PIK3C2G: variants seen among roughly 807,000 people sequenced by gnomAD.
The protein encoded by PIK3C2G is phosphatidylinositol 3-kinase C2 domain-containing subunit gamma.
Under a neutral mutation model 181.1 loss-of-function variants are expected in PIK3C2G, and 168 were observed. The observed-to-expected ratio is 0.93, with a 90% CI of 0.82 to 1.05. The LOEUF is 1.05. Among genes scored for constraint, PIK3C2G ranks in the 50% least tolerant of loss-of-function variants. The pLI, the probability that PIK3C2G is intolerant of heterozygous loss-of-function variation, is 0.00. For missense variants in PIK3C2G, 1,869 were observed against 1,732.8 expected (o/e 1.08, Z -1.40); for synonymous variants, 573 against 592.2 (o/e 0.97, Z 0.47).
chr12:18,673,035 T>C, the PIK3C2G span, among the ~76,000 whole-genome samples: 1 of 152,174 alleles, frequency 6.6e-6, no homozygotes, highest in Non-Finnish European at 1.5e-5. Context: ...TACAGAAGTG[T>C]TTGCCAAAGT....
intron 17 of PIK3C2G, among the ~76,000 whole-genome samples, chr12:18,423,375 TG>T (rs904651779): frequency 5.9e-5 from 9 of 151,966 alleles, no homozygotes; most frequent in African/African-American, 2.2e-4. Flanking sequence ...CTAAGGATAG[TG>T]GGGGCTGCCA....
intron 18 of PIK3C2G, among the ~76,000 whole-genome samples, chr12:18,434,701 A>T (rs1946352284): frequency 6.6e-6 from 1 of 152,200 alleles, no homozygotes; most frequent in African/African-American, 2.4e-5. Flanking sequence ...AACCTGTAGC[A>T]GTTTCTGCCA....
At chr12:18,496,614 C>T (rs1475531772) in intron 21 of PIK3C2G, among the ~76,000 whole-genome samples, 1 of 151,934 alleles carries the variant, frequency 6.6e-6, no homozygotes, top group Non-Finnish European at 1.5e-5. Flanking sequence ...TTTCAGTCTT[C>T]ATCATTAATC....
chr12:18,424,009 A>G lies in PIK3C2G; in HGVS notation c.2474A>G (p.Gln825Arg), dbSNP rs753226323. 11 of 1,611,264 alleles carry G rather than the reference A, an allele frequency of 6.8e-6. No individual in the cohort carries two copies. The highest frequency in any genetic ancestry group is 7.6e-6 in the Non-Finnish European group (9 of 1,178,592). The change falls in exon 18 of 33, where the codon CAG (glutamine) becomes CGG (arginine). Residue 825 changes from glutamine to arginine, a missense_variant. Coordinates refer to ENST00000538779, the MANE Select transcript of PIK3C2G (RefSeq NM_001288772.2). Reference sequence around the variant, plus strand: ...CAACTTCTACTCCACCGCTCCTTGCAGAGCATCCAGGTTGCCCATCGTCTT... The same window carrying G: ...CAACTTCTACTCCACCGCTCCTTGCGGAGCATCCAGGTTGCCCATCGTCTT... ...LVQLLLHRSL[Q>R]SIQVAHRLYW...
At chr12:18,545,057 T>G (rs143173739) in intron 25 of PIK3C2G, among the ~76,000 whole-genome samples, 1 of 151,998 alleles carries the variant, frequency 6.6e-6, no homozygotes, top group East Asian at 1.9e-4. Context: ...GTTAAAACAC[T>G]TAAAGAGCTT....
intron 18 of PIK3C2G, among the ~76,000 whole-genome samples, chr12:18,480,057 C>T (rs1379641786): frequency 1.3e-5 from 2 of 152,084 alleles, no homozygotes; most frequent in Non-Finnish European, 2.9e-5. Flanking sequence ...GAGTTTTTGA[C>T]AAAGGAGAAG....
At chr12:18,399,634 T>TA (rs1565678881) in intron 15 of PIK3C2G, 25 bp from the exon 16 acceptor site, 1 of 1,478,900 alleles carries the variant, frequency 6.8e-7, no homozygotes. Flanking sequence ...TCCAGTAAAT[T>TA]ACAGTTTCCA....
intron 26 of PIK3C2G, among the ~76,000 whole-genome samples, chr12:18,558,799 C>T (rs1945143466): frequency 6.6e-6 from 1 of 152,200 alleles, no homozygotes; most frequent in Non-Finnish European, 1.5e-5. Context: ...TATCTACCCC[C>T]ATACTTCCTC....
downstream of PIK3C2G, among the ~76,000 whole-genome samples, chr12:18,650,775 T>C (rs1378100199): frequency 7.0e-5 from 9 of 129,410 alleles, no homozygotes; most frequent in African/African-American, 2.5e-4. Context: ...TTCCAGTCCA[T>C]CAGGAAGTCC....
In PIK3C2G at chr12:18,611,353, C is replaced by G. The variant is rs1372570538; in HGVS notation, c.4182+1724C>G. Among the ~76,000 whole-genome samples the G allele has an allele frequency of 2.0e-5, 3 of 152,124 alleles. No homozygotes were observed. The East Asian group carries it at 5.8e-4, about 29-fold the overall frequency. ...ATGATGTAGTAATACTTGTTTCAGTCTGCCTTCTCAGTTTACTTGCTAGTT... is the reference window on the plus strand; with the variant it reads ...ATGATGTAGTAATACTTGTTTCAGTGTGCCTTCTCAGTTTACTTGCTAGTT... On this transcript the variant is annotated intron_variant, in intron 31 of 32. Coordinates refer to ENST00000538779, the MANE Select transcript of PIK3C2G (RefSeq NM_001288772.2).
chr12:18,359,607 T>C (rs1941053828), intron 11 of PIK3C2G, among the ~76,000 whole-genome samples: 1 of 152,198 alleles, frequency 6.6e-6, no homozygotes, highest in Non-Finnish European at 1.5e-5. Flanking sequence ...GGTGTTCTGA[T>C]ATTGCTTTAT....
At chr12:18,406,917 T>C (rs55915209) in intron 16 of PIK3C2G, among the ~76,000 whole-genome samples, 16,902 of 152,178 alleles carry the variant, frequency 0.11, 1,289 homozygotes, top group Admixed American at 0.27. Flanking sequence ...TGTCCTTGTA[T>C]GCTTTTGGAG....
upstream of PIK3C2G, among the ~76,000 whole-genome samples, chr12:18,256,965 T>C (rs1017002800): frequency 2.0e-5 from 3 of 152,070 alleles, no homozygotes; most frequent in East Asian, 1.9e-4. Flanking sequence ...AGGTTACTTG[T>C]TGTTGGCAGG....
In PIK3C2G at chr12:18,496,156, T is replaced by C; in HGVS notation, c.2886+2T>C. 2 of 1,487,800 alleles carry C rather than the reference T, an allele frequency of 1.3e-6. No individual in the cohort carries two copies. Among genetic ancestry groups the C allele is most frequent in the Non-Finnish European group, 9.1e-7 (1 of 1,097,526 alleles). The allele number at this position is 1,487,800 out of a possible 1,614,324, so 92.2% of individuals were successfully genotyped here. A position where few individuals can be genotyped will look rare whatever the true frequency, so the allele number is the denominator to read the frequency against. ...AAAAACATCAGCATTATTTTTAAGG[T>C]ATGGTAGCGCTCTTAAAACATGAAT... On this transcript the variant is annotated splice_donor_variant, in intron 21 of 32. Transcript: ENST00000538779. LOFTEE classifies it high-confidence loss of function.
chr12:18,340,632 T>C (rs574650156), intron 9 of PIK3C2G, among the ~76,000 whole-genome samples: 47 of 152,244 alleles, frequency 3.1e-4, no homozygotes, highest in African/African-American at 1.1e-3. Flanking sequence ...ATACATGAGA[T>C]AAGATAATGC....
intron 18 of PIK3C2G, among the ~76,000 whole-genome samples, chr12:18,439,015 C>T (rs1203313431): frequency 6.6e-6 from 1 of 151,932 alleles, no homozygotes; most frequent in Non-Finnish European, 1.5e-5. Flanking sequence ...TTACTAATGA[C>T]ATGGAATTTG....
At chr12:18,618,628 A>G (rs1225286938) in intron 31 of PIK3C2G, among the ~76,000 whole-genome samples, 2 of 152,156 alleles carry the variant, frequency 1.3e-5, no homozygotes, top group Non-Finnish European at 2.9e-5. Context: ...AAGACAATAG[A>G]TACACTCTGA....
intron 19 of PIK3C2G, among the ~76,000 whole-genome samples, chr12:18,490,517 C>A (rs553009758): frequency 6.6e-6 from 1 of 152,096 alleles, no homozygotes; most frequent in Non-Finnish European, 1.5e-5. Flanking sequence ...TCCCCCTGCC[C>A]CCTGCTGCAC....
At chr12:18,345,677 G>A (rs1939602594) in intron 10 of PIK3C2G, among the ~76,000 whole-genome samples, 1 of 151,892 alleles carries the variant, frequency 6.6e-6, no homozygotes, top group Non-Finnish European at 1.5e-5. Context: ...GGCAATTCAT[G>A]CTTTTTTAAC....
Sources: allele counts gnomAD v4.1 joint callset (sites outside exome capture counted in the v4.1 genomes callset), GRCh38; gene constraint gnomAD v4.1.1; transcripts MANE v1.5; gene names NCBI Gene and HGNC (gene_info 2026-07-23, HGNC 2026-07-21).